Variants in ABL2 observed in about 807,000 individuals in gnomAD.
ABL2 encodes tyrosine-protein kinase ABL2.
Under a neutral mutation model 107.7 loss-of-function variants are expected in ABL2, and 49 were observed. That is an observed-to-expected ratio of 0.45 (90% confidence interval 0.36 to 0.58). ABL2 has a LOEUF of 0.58. Among genes scored for constraint, ABL2 ranks in the 20% least tolerant of loss-of-function variants. The pLI is 0.00. For missense variants in ABL2, 1,245 were observed against 1,457.0 expected (o/e 0.85, Z 2.37); for synonymous variants, 549 against 548.6 (o/e 1.00, Z -0.01).
chr1:179,121,724 G>C lies in ABL2; in HGVS notation c.831C>G (p.Ile277Met). 6.2e-7 allele frequency: 1 copy of C among 1,614,028 alleles called. No homozygotes were observed. Among genetic ancestry groups the C allele is most frequent in the East Asian group, 2.2e-5 (1 of 44,860 alleles). Reference protein sequence around the residue: ...NKPTVYGVSPIHDKWEMERTD... With the variant: ...NKPTVYGVSPMHDKWEMERTD... ...TTCGCTCCATTTCCCATTTGTCGTG[G>C]ATGGGGGACACACCATAGACTGTAG... The change falls in exon 5 of 12, where the codon ATC becomes ATG. Residue 277 changes from isoleucine to methionine, a missense_variant. Ile to Met is a conservative substitution (Grantham distance 10). This residue lies in a region of ABL2 where 320 missense variants were observed against 547.0 expected (regional missense o/e 0.59). Coordinates refer to ENST00000502732, the MANE Select transcript of ABL2 (RefSeq NM_007314.4).
chr1:179,156,406 T>C lies in ABL2; in HGVS notation c.158-23032A>G, dbSNP rs149585901. On this transcript the variant is annotated intron_variant, in intron 1 of 11. Transcript: ENST00000502732. Reference sequence around the variant, plus strand: ...AAACCATACTTGAAATTACAAAATTTTGGTTTAGGACACACTAATATAGTT... The same window carrying C: ...AAACCATACTTGAAATTACAAAATTCTGGTTTAGGACACACTAATATAGTT... 8.1e-3 allele frequency among the ~76,000 whole-genome samples: 1,234 copies of C among 152,284 alleles called. 11 individuals carry two copies. Among genetic ancestry groups the C allele is most frequent in the African/African-American group, 0.027 (1,139 of 41,548 alleles).
chr1:179,218,996 T>C (rs1042070681), intron 1 of ABL2, among the ~76,000 whole-genome samples: 1 of 152,192 alleles, frequency 6.6e-6, no homozygotes, highest in Non-Finnish European at 1.5e-5. Context: ...CAGTGCCACA[T>C]TAAGAAAAAG....
At chr1:179,215,552 C>G (rs1662515568) in intron 1 of ABL2, among the ~76,000 whole-genome samples, 1 of 152,068 alleles carries the variant, frequency 6.6e-6, no homozygotes, top group South Asian at 2.1e-4. Flanking sequence ...TGGCTAACAA[C>G]CCTTTCTCTA....
intron 1 of ABL2, among the ~76,000 whole-genome samples, chr1:179,212,007 A>C (rs1662303676): frequency 6.6e-6 from 1 of 152,166 alleles, no homozygotes; most frequent in African/African-American, 2.4e-5. Context: ...TTTATAAAGG[A>C]AAGAGGTTTA....
intron 1 of ABL2, among the ~76,000 whole-genome samples, chr1:179,158,699 T>C (rs1292845397): frequency 6.6e-6 from 1 of 152,152 alleles, no homozygotes; most frequent in Non-Finnish European, 1.5e-5. Context: ...AAAAAGAACA[T>C]TCCTTATGAA....
In ABL2 at chr1:179,112,407, C is replaced by A. The variant is rs745795116; in HGVS notation, c.1562-9G>T. 1.9e-6 allele frequency: 3 copies of A among 1,609,602 alleles called. No individual in the cohort carries two copies. On this transcript the variant is annotated splice_polypyrimidine_tract_variant and intron_variant, in intron 9 of 11. Coordinates refer to ENST00000502732, the MANE Select transcript of ABL2 (RefSeq NM_007314.4). ...AGGGCTCCACTTCCAGCCTATGTAA[C>A]AGAAGAAAAAATATTAAAAACTCCT...
rs28991587 is a variant in ABL2 at position 179,229,069 on chromosome 1, G to C, written c.157+172C>G. ...CCAGCCAGGCTAGAGACGCGAGGGG[G>C]GAGGGGTGTGACTCGCCTCCCAGGA... On this transcript the variant is annotated intron_variant, in intron 1 of 11. Coordinates refer to ENST00000502732, the MANE Select transcript of ABL2 (RefSeq NM_007314.4). Among the ~76,000 whole-genome samples, 159 of 152,110 alleles carry C rather than the reference G, an allele frequency of 1.0e-3. 1 individual carries two copies. In the East Asian group the frequency reaches 0.016, roughly 15 times the overall value.
chr1:179,172,652 C>T (rs1206597842), intron 1 of ABL2, among the ~76,000 whole-genome samples: 1 of 152,060 alleles, frequency 6.6e-6, no homozygotes, highest in Non-Finnish European at 1.5e-5. Context: ...AAAATAAAAG[C>T]AATTTCCCTC....
chr1:179,156,881 CAAAATAAA>C, intron 1 of ABL2, among the ~76,000 whole-genome samples: 1 of 113,620 alleles, frequency 8.8e-6, no homozygotes, highest in South Asian at 3.1e-4. Context: ...GAGTCTGTCT[CAAAATAAA>C]TAAATAAATA....
At chr1:179,184,372 T>C (rs1660562527) in intron 1 of ABL2, 1 of 750,466 alleles carries the variant, frequency 1.3e-6, no homozygotes, top group African/African-American at 1.8e-5. Flanking sequence ...AAGGATGCGA[T>C]GAAACATTCA....
intron 11 of ABL2, among the ~76,000 whole-genome samples, chr1:179,109,941 GA>G (rs1007694361): frequency 1.3e-4 from 18 of 136,414 alleles, no homozygotes; most frequent in Middle Eastern, 3.8e-3. Context: ...AAAAAAAAAA[GA>G]AAAAAAAAAT....
chr1:179,137,228 T>G (rs924114304), intron 1 of ABL2, among the ~76,000 whole-genome samples: 17 of 152,188 alleles, frequency 1.1e-4, no homozygotes, highest in African/African-American at 4.1e-4. Flanking sequence ...AAATCCATAT[T>G]GTAAAAAACA....
rs76587364 is a variant in ABL2 at position 179,171,007 on chromosome 1, A to G, written c.158-37633T>C. ...GCGTGAGCCACCTCATCTGGCAATA[A>G]TACCTTTCTTAAAAAAATAATAATA... is the stretch of plus-strand genomic sequence containing the variant. On this transcript the variant is annotated intron_variant, in intron 1 of 11. Coordinates refer to ENST00000502732, the MANE Select transcript of ABL2 (RefSeq NM_007314.4). Among the ~76,000 whole-genome samples the G allele has an allele frequency of 1.5e-3, 235 of 152,298 alleles. 6 individuals are homozygous for G. In the East Asian group the frequency reaches 0.043, roughly 28 times the overall value.
In ABL2 at chr1:179,107,907, G is replaced by A. The variant is rs1424015508; in HGVS notation, c.3360C>T (p.Cys1120=). Residue 1120 remains cysteine (C), a synonymous_variant, in exon 12 of 12, where the codon TGC becomes TGT. Transcript: ENST00000502732. ...VDTGHQLLDY[C]SGYVDCIPQT... ...GAGGGATGCAGTCCACATAGCCTGA[G>A]CAGTAGTCAAGCAGCTGGTGTCCAG... 22 of 1,614,128 alleles carry A rather than the reference G, an allele frequency of 1.4e-5. No homozygotes were observed. The highest frequency in any genetic ancestry group is 2.2e-5 in the East Asian group (1 of 44,898).
intron 1 of ABL2, among the ~76,000 whole-genome samples, chr1:179,200,217 T>C (rs927435941): frequency 1.3e-5 from 2 of 151,894 alleles, no homozygotes; most frequent in Non-Finnish European, 2.9e-5. Context: ...TGGATAATTT[T>C]TGTATTTTTA....
chr1:179,221,793 CAA>C (rs34844213), intron 1 of ABL2: 63,661 of 188,402 alleles, frequency 0.34, 8,900 homozygotes, highest in East Asian at 0.46. Context: ...AGGATTTTAC[CAA>C]AAAAAAAAAA....
chr1:179,199,480 CTCTT>C (rs912595658), intron 1 of ABL2, among the ~76,000 whole-genome samples: 2 of 150,894 alleles, frequency 1.3e-5, no homozygotes, highest in African/African-American at 4.8e-5. Context: ...TTTACCTTCT[CTCTT>C]TTTCTCCCCC....
chr1:179,213,392 C>T lies in ABL2; in HGVS notation c.157+15849G>A, dbSNP rs141847305. ...TATGTTGCCCAAGGCAGGTCTCAAA[C>T]TCCTGGGCTCAAGCTATCCTCCCGC... On this transcript the variant is annotated intron_variant, in intron 1 of 11. Coordinates refer to ENST00000502732, the MANE Select transcript of ABL2 (RefSeq NM_007314.4). Among the ~76,000 whole-genome samples, 410 of 152,082 alleles carry T rather than the reference C, an allele frequency of 2.7e-3. 2 individuals are homozygous for T. The highest frequency in any genetic ancestry group is 9.7e-3 in the African/African-American group (401 of 41,486).
chr1:179,157,709 T>A (rs1416966201), intron 1 of ABL2, among the ~76,000 whole-genome samples: 1 of 147,178 alleles, frequency 6.8e-6, no homozygotes, highest in Non-Finnish European at 1.5e-5. Flanking sequence ...TACAGAATCT[T>A]TTTTTTTTTT....
Sources: allele counts gnomAD v4.1 joint callset (sites outside exome capture counted in the v4.1 genomes callset), GRCh38; gene constraint gnomAD v4.1.1; regional missense constraint gnomAD v4.1.1; transcripts MANE v1.5; gene names NCBI Gene and HGNC (gene_info 2026-07-23, HGNC 2026-07-21).